The following HSH2D variants were observed in gnomAD, a reference collection of about 807,000 sequenced individuals.
The protein encoded by HSH2D is hematopoietic SH2 domain containing, also known as hematopoietic SH2 domain-containing protein.
A neutral mutation model predicts 21.5 loss-of-function variants in HSH2D; 16 were observed. The ratio of observed to expected loss-of-function variants is 0.74; its 90% CI spans 0.50 to 1.13. The LOEUF (loss-of-function observed/expected upper bound fraction) is 1.13. Ranked by LOEUF, HSH2D falls within the 50% of genes most tolerant of loss-of-function variation. The pLI, the probability that HSH2D is intolerant of heterozygous loss-of-function variation, is 0.00. For synonymous variants in HSH2D, 172 were observed against 184.7 expected (o/e 0.93, Z 0.56); for missense variants, 418 against 441.4 (o/e 0.95, Z 0.47).
Position 16,157,690 on chromosome 19 carries a change from T to C in HSH2D, c.955T>C (p.Ser319Pro). 1 of 1,613,228 alleles carries C rather than the reference T, an allele frequency of 6.2e-7. No homozygotes were observed. Among genetic ancestry groups the C allele is most frequent in the Non-Finnish European group, 8.5e-7 (1 of 1,179,632 alleles). Residue 319 changes from serine (S) to proline (P), a missense_variant, in exon 6 of 6, where the codon TCC becomes CCC. Physicochemically the swap from Ser to Pro is moderately conservative, Grantham distance 74. Transcript: ENST00000613986. The surrounding 1 kb of genome is among the most constrained non-coding windows in gnomAD (Gnocchi z 4.4). ...CCAAATGGTAGTGAGAGCCCTATCC[T>C]CCCAGGAGTCCAAGCCAGAGCACCA... ...WHQMVVRALS[S>P]QESKPEHQGL...
chr19:16,138,922 G>A (rs2090981657), upstream of HSH2D, among the ~76,000 whole-genome samples: 1 of 151,558 alleles, frequency 6.6e-6, no homozygotes, highest in Admixed American at 6.6e-5. Context: ...GCAGTGGCAT[G>A]ATCTCAGCTC....
At chr19:16,152,810 G>A (rs73005210) in intron 3 of HSH2D, 169 bp downstream of exon 3, 11,038 of 760,212 alleles carry the variant, frequency 0.015, 107 homozygotes, top group Non-Finnish European at 0.02. Context: ...TTTGTCCGTA[G>A]TGGCATGTTT....
intron 1 of HSH2D, among the ~76,000 whole-genome samples, chr19:16,134,721 ACC>A (rs1456941134): frequency 6.6e-6 from 1 of 151,974 alleles, no homozygotes; most frequent in African/African-American, 2.4e-5. Flanking sequence ...GACCACCTGG[ACC>A]TCTGTGACCA....
rs2091209606 is a variant in HSH2D at position 16,154,350 on chromosome 19, A to G, written c.382-49A>G. On this transcript the variant is annotated intron_variant, in intron 4 of 5. Transcript: ENST00000613986. ...ACCTGCCTTCCAGGGTCCGTGCAGGACCTTTCCCCCTCCCTAGTGCTGAGC... is the reference window on the plus strand; with the variant it reads ...ACCTGCCTTCCAGGGTCCGTGCAGGGCCTTTCCCCCTCCCTAGTGCTGAGC... The G allele has an allele frequency of 3.0e-6, 4 of 1,328,482 alleles. No homozygotes were observed. In the South Asian group the frequency reaches 5.1e-5, roughly 17 times the overall value. The allele number at this position is 1,328,482 out of a possible 1,614,324, so 82.3% of individuals were successfully genotyped here. A position where few individuals can be genotyped will look rare whatever the true frequency, so the allele number is the denominator to read the frequency against.
At chr19:16,140,255 C>T (rs575813163), upstream of HSH2D, among the ~76,000 whole-genome samples, 73 of 151,910 alleles carry the variant, frequency 4.8e-4, no homozygotes, top group African/African-American at 1.7e-3. Context: ...GTGAGTTGTA[C>T]TTGCACCACT....
At chr19:16,141,840 C>T (rs897625390), upstream of HSH2D, 1 of 152,166 alleles carries the variant, frequency 6.6e-6, no homozygotes, top group African/African-American at 2.4e-5. Flanking sequence ...AGGAGAGTCA[C>T]TTGAACCAAG....
intron 2 of HSH2D, 121 bp from the exon 3 acceptor site, chr19:16,152,431 A>G (rs2091171320): frequency 1.9e-6 from 1 of 529,192 alleles, no homozygotes; most frequent in Non-Finnish European, 3.1e-6. Flanking sequence ...AAAAAAAAAA[A>G]GGAAAAAAGA....
chr19:16,145,595 G>A (rs1367714677), intron 1 of HSH2D, among the ~76,000 whole-genome samples: 1 of 152,106 alleles, frequency 6.6e-6, no homozygotes, highest in South Asian at 2.1e-4. Context: ...GGTTGCCCCA[G>A]AATTCCCTCA....
chr19:16,145,843 A>C (rs2091060831), intron 1 of HSH2D, among the ~76,000 whole-genome samples: 1 of 152,136 alleles, frequency 6.6e-6, no homozygotes, highest in South Asian at 2.1e-4. Context: ...TGGGAGGCCA[A>C]GGTGGGTGGA....
intron 2 of HSH2D, among the ~76,000 whole-genome samples, chr19:16,150,526 T>C (rs1782392415): frequency 7.2e-6 from 1 of 139,358 alleles, no homozygotes. Context: ...GCAACAAGAG[T>C]AAAACTCCGT....
chr19:16,149,616 C>T (rs1440549578), intron 2 of HSH2D, among the ~76,000 whole-genome samples: 7 of 150,012 alleles, frequency 4.7e-5, no homozygotes, highest in Admixed American at 1.3e-4. Context: ...GACAGAGTTC[C>T]GCTCCTGTTG....
chr19:16,153,513 G>A (rs775145138), intron 4 of HSH2D, among the ~76,000 whole-genome samples: 1 of 151,598 alleles, frequency 6.6e-6, no homozygotes, highest in Non-Finnish European at 1.5e-5. Flanking sequence ...CTCGGTGGGC[G>A]TGGCCTGGCT....
chr19:16,152,834 C>G (rs759129540), intron 3 of HSH2D, 193 bp downstream of exon 3: 1 of 766,134 alleles, frequency 1.3e-6, no homozygotes, highest in Non-Finnish European at 2.3e-6. Context: ...CTGAGGCCAG[C>G]CTTTGTACTC....
intron 2 of HSH2D, among the ~76,000 whole-genome samples, chr19:16,149,773 G>T (rs2091124416): frequency 6.6e-6 from 1 of 150,780 alleles, no homozygotes; most frequent in Non-Finnish European, 1.5e-5. Context: ...TAGAGACGAG[G>T]TTTCACCATG....
intron 5 of HSH2D, 127 bp downstream of exon 5, chr19:16,154,618 C>A (rs557383102): frequency 8.9e-4 from 505 of 566,474 alleles, no homozygotes; most frequent in Non-Finnish European, 1.2e-3. Context: ...TGCTTTAAAC[C>A]TTTCCAGTGC....
intron 1 of HSH2D, among the ~76,000 whole-genome samples, chr19:16,138,477 A>C (rs906730225): frequency 6.6e-6 from 1 of 152,128 alleles, no homozygotes; most frequent in African/African-American, 2.4e-5. Context: ...TGTTTGTTTG[A>C]GATGGAGTCT....
chr19:16,147,634 T>TTTTTG (rs377735759), intron 1 of HSH2D, among the ~76,000 whole-genome samples: 13,627 of 150,200 alleles, frequency 0.091, 818 homozygotes, highest in African/African-American at 0.16. Context: ...AGTGGTTTTT[T>TTTTTG]TTTTGTTTTG....
intron 2 of HSH2D, among the ~76,000 whole-genome samples, chr19:16,150,113 T>C (rs566532407): frequency 6.6e-6 from 1 of 152,294 alleles, no homozygotes; most frequent in South Asian, 2.1e-4. Context: ...TTTTAGTAGT[T>C]ATATTAAAAG....
Position 16,152,622 on chromosome 19 carries a change from G to A in HSH2D, c.196G>A (p.Gly66Ser), listed in dbSNP as rs2091174325. 1 of 1,533,026 alleles carries A rather than the reference G, an allele frequency of 6.5e-7. No homozygotes were observed. Among genetic ancestry groups the A allele is most frequent in the East Asian group, 2.3e-5 (1 of 44,080 alleles). 95.0% of individuals were successfully genotyped at this position (1,533,026 alleles called of 1,614,324 possible). ...CATCAGGGTCAGTCACAGCCATGTG[G>A]GCTACACACTCTCCTACAAGTAAGG... ...FLIRVSHSHV[G>S]YTLSYKAQSS... The change falls in exon 3 of 6, where the codon GGC becomes AGC. Residue 66 changes from glycine (G) to serine (S), a missense_variant. Coordinates refer to ENST00000613986, the MANE Select transcript of HSH2D (RefSeq NM_001382417.1).
Sources: allele counts gnomAD v4.1 joint callset (sites outside exome capture counted in the v4.1 genomes callset), GRCh38; gene constraint gnomAD v4.1.1; non-coding constraint Gnocchi (gnomAD v3.1); transcripts MANE v1.5; gene names NCBI Gene and HGNC (gene_info 2026-07-23, HGNC 2026-07-21).